The following NOL4 variants were observed in gnomAD, a reference collection of about 807,000 sequenced individuals.
NOL4 encodes nucleolar protein 4.
In NOL4, 17 loss-of-function variants were observed where a neutral mutation model predicts 75.9. The observed-to-expected ratio is 0.22, with a 90% CI of 0.15 to 0.34. The LOEUF (loss-of-function observed/expected upper bound fraction) is 0.34. Ranked by LOEUF, NOL4 falls within the 10% of genes least tolerant of loss-of-function variation. NOL4 has a pLI of 1.00. For missense variants in NOL4, 614 were observed against 793.5 expected (o/e 0.77, Z 2.72); for synonymous variants, 292 against 289.9 (o/e 1.01, Z -0.07).
intron 5 of NOL4, among the ~76,000 whole-genome samples, chr18:34,082,344 C>T (rs1468693161): frequency 2.0e-5 from 3 of 151,774 alleles, no homozygotes; most frequent in Middle Eastern, 3.2e-3. Flanking sequence ...AATTAGCCTC[C>T]GTGTCCTCTT....
chr18:33,980,184 T>G (rs937606710), intron 6 of NOL4, among the ~76,000 whole-genome samples: 1 of 151,990 alleles, frequency 6.6e-6, no homozygotes, highest in Non-Finnish European at 1.5e-5. Flanking sequence ...CACAACTCAC[T>G]AAAGCAGAAA....
chr18:33,922,530 G>T (rs1027646085), intron 9 of NOL4, among the ~76,000 whole-genome samples: 3 of 152,130 alleles, frequency 2.0e-5, no homozygotes, highest in African/African-American at 7.2e-5. Flanking sequence ...CTAGCACTTA[G>T]TCTTGCAGTC....
At chr18:33,888,593 G>C (rs1364183082) in intron 9 of NOL4, among the ~76,000 whole-genome samples, 1 of 152,050 alleles carries the variant, frequency 6.6e-6, no homozygotes, top group East Asian at 1.9e-4. Flanking sequence ...GTTAATTATT[G>C]TATACTGTGT....
At chr18:33,995,227 A>G (rs994093600) in intron 6 of NOL4, among the ~76,000 whole-genome samples, 1 of 151,616 alleles carries the variant, frequency 6.6e-6, no homozygotes, top group African/African-American at 2.4e-5. Context: ...TAAGAAATAG[A>G]AGAAAAGGGA....
At chr18:34,172,273 G>A (rs763139306) in intron 1 of NOL4, among the ~76,000 whole-genome samples, 18 of 152,044 alleles carry the variant, frequency 1.2e-4, no homozygotes, top group Non-Finnish European at 1.5e-5. Flanking sequence ...TTAATCTTTT[G>A]ACTAATATAA....
chr18:34,019,685 T>C (rs2074927489), intron 5 of NOL4, 84 bp from the exon 6 acceptor site: 20 of 1,213,256 alleles, frequency 1.6e-5, no homozygotes, highest in Non-Finnish European at 2.3e-5. Flanking sequence ...TGAGCTCCCA[T>C]TATATGAATG....
intron 6 of NOL4, among the ~76,000 whole-genome samples, chr18:33,981,272 T>A (rs1211465826): frequency 6.8e-6 from 1 of 147,374 alleles, no homozygotes; most frequent in African/African-American, 2.5e-5. Flanking sequence ...AAAAACAGAA[T>A]CTTTGAAGCA....
At chr18:33,908,643 A>T (rs1429934565) in intron 9 of NOL4, among the ~76,000 whole-genome samples, 1 of 152,216 alleles carries the variant, frequency 6.6e-6, no homozygotes, top group Non-Finnish European at 1.5e-5. Context: ...TATTTCAAGC[A>T]TATCAATTAT....
rs181298884 is a variant in NOL4 at position 33,992,811 on chromosome 18, A to G, written c.1056+26507T>C. Among the ~76,000 whole-genome samples the G allele has an allele frequency of 2.3e-4, 35 of 152,156 alleles. No homozygotes were observed. In the East Asian group the frequency reaches 6.4e-3, roughly 28 times the overall value. ...CACTAGAGCTCAGTTCCTAAGGTAGAGGTGTCAGTTGGAGAGAAGTACGTC... is the reference window on the plus strand; with the variant it reads ...CACTAGAGCTCAGTTCCTAAGGTAGGGGTGTCAGTTGGAGAGAAGTACGTC... On this transcript the variant is annotated intron_variant, in intron 6 of 10. Coordinates refer to ENST00000261592, the MANE Select transcript of NOL4 (RefSeq NM_003787.5).
chr18:33,949,873 T>G (rs1360553144), intron 8 of NOL4, among the ~76,000 whole-genome samples: 1 of 152,068 alleles, frequency 6.6e-6, no homozygotes, highest in African/African-American at 2.4e-5. Flanking sequence ...AAACACAGTT[T>G]AGTTAATAAC....
chr18:33,874,424 ATACT>A, intron 10 of NOL4, among the ~76,000 whole-genome samples: 2 of 152,120 alleles, frequency 1.3e-5, no homozygotes, highest in East Asian at 3.9e-4. Flanking sequence ...AAAAGAGAAC[ATACT>A]TTAAGAAGAC....
At chr18:33,963,952 T>A (rs1314807753) in intron 6 of NOL4, among the ~76,000 whole-genome samples, 2 of 152,094 alleles carry the variant, frequency 1.3e-5, no homozygotes. Context: ...TTGCAGCCAG[T>A]GGAAAAAAGG....
chr18:34,151,685 C>T (rs1314220707), intron 1 of NOL4, among the ~76,000 whole-genome samples: 1 of 151,806 alleles, frequency 6.6e-6, no homozygotes, highest in Non-Finnish European at 1.5e-5. Flanking sequence ...CCAAGATTAA[C>T]CCTAATGTAA....
At chr18:34,160,611 T>A (rs1196927156) in intron 1 of NOL4, among the ~76,000 whole-genome samples, 2 of 152,146 alleles carry the variant, frequency 1.3e-5, no homozygotes, top group Admixed American at 1.3e-4. Context: ...TTGAAGAAAG[T>A]TTTAAATGAA....
At chr18:33,908,101 T>C (rs2145095591) in intron 9 of NOL4, among the ~76,000 whole-genome samples, 1 of 152,200 alleles carries the variant, frequency 6.6e-6, no homozygotes, top group South Asian at 2.1e-4. Context: ...GTCAAGAAAA[T>C]TCAGGCCTGA....
intron 1 of NOL4, among the ~76,000 whole-genome samples, chr18:34,146,362 C>G (rs916598801): frequency 1.2e-4 from 19 of 152,102 alleles, no homozygotes; most frequent in African/African-American, 4.6e-4. Flanking sequence ...GGTTTTAAGT[C>G]TTACATCTAA....
intron 5 of NOL4, among the ~76,000 whole-genome samples, chr18:34,071,387 G>A (rs1374446106): frequency 2.0e-5 from 3 of 151,356 alleles, no homozygotes; most frequent in African/African-American, 7.3e-5. Flanking sequence ...CCCGTTAAAA[G>A]GCAGAGATTG....
chr18:34,094,096 G>A (rs1215202998), intron 4 of NOL4, among the ~76,000 whole-genome samples: 2 of 151,922 alleles, frequency 1.3e-5, no homozygotes, highest in African/African-American at 4.8e-5. Context: ...CTCCCTTCAA[G>A]GAATTTCAAG....
intron 5 of NOL4, among the ~76,000 whole-genome samples, chr18:34,054,456 A>G (rs1206656984): frequency 6.6e-6 from 1 of 151,864 alleles, no homozygotes; most frequent in Non-Finnish European, 1.5e-5. Flanking sequence ...ATTATGTGAT[A>G]TTATTATTTG....
Sources: gnomAD v4.1 joint callset for allele counts (sites outside exome capture counted in the v4.1 genomes callset) on GRCh38, gnomAD v4.1.1 for gene constraint, MANE v1.5 for transcripts, NCBI Gene and HGNC (gene_info 2026-07-23, HGNC 2026-07-21) for gene names.